GNPAT: variants seen among roughly 807,000 people sequenced by gnomAD.
The protein encoded by GNPAT is dihydroxyacetone phosphate acyltransferase.
In GNPAT, 30 loss-of-function variants were observed where a neutral mutation model predicts 78.4. The observed-to-expected ratio is 0.38, with a 90% confidence interval of 0.29 to 0.52. The LOEUF is 0.52. GNPAT is among the 20% of genes least tolerant of loss of function. GNPAT has a pLI of 0.84. For synonymous variants in GNPAT, 271 were observed against 281.1 expected, an observed-to-expected ratio of 0.96 and a Z score of 0.36; for missense variants, 714 against 812.2, an observed-to-expected ratio of 0.88 and a Z score of 1.47.
intron 13 of GNPAT, 26 bp downstream of exon 13, chr1:231,275,346 A>C (rs1382302684): frequency 6.3e-7 from 1 of 1,579,464 alleles, no homozygotes; most frequent in Non-Finnish European, 8.7e-7. Context: ...GTGGGTGCTG[A>C]TTTCTTTTAG....
chr1:231,268,198 G>T (rs1685445884), intron 9 of GNPAT, among the ~76,000 whole-genome samples: 1 of 152,134 alleles, frequency 6.6e-6, no homozygotes. Flanking sequence ...AGCTACTCGG[G>T]AGGCTGAGGC....
At chr1:231,252,460 C>T (rs561368309) in intron 2 of GNPAT, among the ~76,000 whole-genome samples, 125 of 152,324 alleles carry the variant, frequency 8.2e-4, no homozygotes, top group Non-Finnish European at 1.2e-3. Flanking sequence ...TAGCCCTCCA[C>T]GTCATATCAC....
intron 14 of GNPAT, 125 bp downstream of exon 14, chr1:231,275,623 C>A: frequency 1.4e-6 from 1 of 713,556 alleles, no homozygotes; most frequent in South Asian, 1.5e-5. Flanking sequence ...TTTCCTTATC[C>A]ATCCTCTAAT....
At chr1:231,258,104 A>C (rs997618027) in intron 2 of GNPAT, 3 of 151,900 alleles carry the variant, frequency 2.0e-5, no homozygotes, top group African/African-American at 4.9e-5. Flanking sequence ...TGATTCCTCT[A>C]TTTTCCCTTG....
chr1:231,263,697 T>G (rs1324911854), intron 4 of GNPAT, among the ~76,000 whole-genome samples: 2 of 152,206 alleles, frequency 1.3e-5, no homozygotes, highest in Non-Finnish European at 2.9e-5. Flanking sequence ...CTGCACCATT[T>G]TACATTCCCA....
chr1:231,253,785 C>CT (rs2102805134), intron 2 of GNPAT, among the ~76,000 whole-genome samples: 1 of 152,330 alleles, frequency 6.6e-6, no homozygotes, highest in African/African-American at 2.4e-5. Flanking sequence ...ATTCCTGTCT[C>CT]TTTTTTCACT....
rs1553337020 is a variant in GNPAT at position 231,266,179 on chromosome 1, A to G, written c.924+14A>G. ...GAGTCTACAACTGTACGTGAGCTTGATTTTAGCTTAATTGAGAGAATGTGC... is the reference window on the plus strand; with the variant it reads ...GAGTCTACAACTGTACGTGAGCTTGGTTTTAGCTTAATTGAGAGAATGTGC... On this transcript the variant is annotated intron_variant, in intron 7 of 15. Coordinates refer to ENST00000366647, the MANE Select transcript of GNPAT (RefSeq NM_014236.4). 6.2e-7 allele frequency: 1 copy of G among 1,613,478 alleles called. No homozygotes were observed. Among genetic ancestry groups the G allele is most frequent in the African/African-American group, 1.3e-5 (1 of 75,034 alleles).
At chr1:231,263,324 C>G (rs1301352862) in intron 4 of GNPAT, among the ~76,000 whole-genome samples, 1 of 152,180 alleles carries the variant, frequency 6.6e-6, no homozygotes, top group Non-Finnish European at 1.5e-5. Flanking sequence ...AACTCTTCAT[C>G]TTGCAAAACT....
intron 8 of GNPAT, among the ~76,000 whole-genome samples, chr1:231,267,470 A>G (rs1347676268): frequency 6.6e-6 from 1 of 152,218 alleles, no homozygotes; most frequent in Non-Finnish European, 1.5e-5. Flanking sequence ...GGACCCCTTC[A>G]GTATTTTTAC....
At chr1:231,246,606 TTA>T (rs1684756873) in intron 1 of GNPAT, among the ~76,000 whole-genome samples, 1 of 152,262 alleles carries the variant, frequency 6.6e-6, no homozygotes, top group Admixed American at 6.5e-5. Context: ...CTTCTTTGTG[TTA>T]TGTTCCTGAG....
chr1:231,241,711 A>G (rs763938540), intron 1 of GNPAT, among the ~76,000 whole-genome samples: 13 of 152,148 alleles, frequency 8.5e-5, no homozygotes, highest in African/African-American at 1.2e-4. Flanking sequence ...CTTTCTTTCT[A>G]TCAGGCCCTG....
At chr1:231,254,510 C>T (rs1427745775) in intron 2 of GNPAT, among the ~76,000 whole-genome samples, 2 of 151,746 alleles carry the variant, frequency 1.3e-5, no homozygotes, top group African/African-American at 2.4e-5. Context: ...GGCGCGATCT[C>T]GGCTCACTGC....
chr1:231,265,580 G>A, intron 5 of GNPAT, 132 bp from the exon 6 acceptor site: 1 of 892,690 alleles, frequency 1.1e-6, no homozygotes, highest in Non-Finnish European at 1.9e-6. Flanking sequence ...TGACTCTCTT[G>A]TTTAATTTTC....
chr1:231,274,864 C>G (rs546615), intron 12 of GNPAT: 133,061 of 291,666 alleles, frequency 0.46, 30,986 homozygotes, highest in Middle Eastern at 0.48. Context: ...ATGGTACTTT[C>G]TTAGGTGTAT....
chr1:231,242,301 T>C (rs1411742810), intron 1 of GNPAT, among the ~76,000 whole-genome samples: 1 of 152,228 alleles, frequency 6.6e-6, no homozygotes, highest in African/African-American at 2.4e-5. Flanking sequence ...TTTAAAAGCA[T>C]ATTAGCATAT....
intron 15 of GNPAT, 68 bp downstream of exon 15, chr1:231,276,264 G>A: frequency 1.3e-6 from 1 of 776,496 alleles, no homozygotes; most frequent in Admixed American, 1.9e-5. Flanking sequence ...AAAGTATACT[G>A]TGGCACCAAA....
chr1:231,249,018 G>A (rs555194117), intron 1 of GNPAT, among the ~76,000 whole-genome samples: 6 of 152,264 alleles, frequency 3.9e-5, no homozygotes, highest in African/African-American at 1.4e-4. Context: ...GTGCATGACT[G>A]TATATGTGTA....
intron 9 of GNPAT, among the ~76,000 whole-genome samples, chr1:231,268,924 T>C (rs982986099): frequency 1.1e-4 from 16 of 150,672 alleles, no homozygotes; most frequent in Non-Finnish European, 1.5e-4. Context: ...AAAAAAATTG[T>C]ACAGGCTACA....
intron 1 of GNPAT, among the ~76,000 whole-genome samples, chr1:231,242,937 C>T (rs1449279503): frequency 3.3e-5 from 5 of 152,230 alleles, no homozygotes; most frequent in African/African-American, 9.6e-5. Flanking sequence ...TTTACTTCCA[C>T]GGTAACCTTA....
Sources: gnomAD v4.1 joint callset for allele counts (sites outside exome capture counted in the v4.1 genomes callset) on GRCh38, gnomAD v4.1.1 for gene constraint, MANE v1.5 for transcripts, NCBI Gene and HGNC (gene_info 2026-07-23, HGNC 2026-07-21) for gene names.